Variants in LZIC observed in about 807,000 individuals in gnomAD.
The protein encoded by LZIC is leucine zipper and CTNNBIP1 domain containing, also known as protein LZIC.
LZIC carries 28 observed loss-of-function variants against 25.4 expected under a neutral mutation model. That is an observed-to-expected ratio of 1.10 (90% CI 0.82 to 1.51). The LOEUF is 1.51. Ranked by LOEUF, LZIC falls within the 40% of genes most tolerant of loss-of-function variation. LZIC has a pLI of 0.00. For missense variants in LZIC, 170 were observed against 211.1 expected (o/e 0.81, Z 1.21); for synonymous variants, 65 against 70.7 (o/e 0.92, Z 0.40).
In LZIC at chr1:9,926,815, A is replaced by G. The variant is rs1174768578; in HGVS notation, c.*3584T>C. On this transcript the variant is annotated 3_prime_UTR_variant, in exon 8 of 8. Coordinates refer to ENST00000377223, the MANE Select transcript of LZIC (RefSeq NM_032368.5). The stretch of plus-strand genomic sequence containing the variant: ...AATCTCCAAAGATATCTGAACACCT[A>G]GAAGATTAAATGTAGCAAGAAGTGG... Among the ~76,000 whole-genome samples, 1 of 152,242 alleles carries G rather than the reference A, an allele frequency of 6.6e-6. No homozygotes were observed. The highest frequency in any genetic ancestry group is 1.5e-5 in the Non-Finnish European group (1 of 68,040).
intron 2 of LZIC, 30 bp downstream of exon 2, chr1:9,942,594 C>G: frequency 1.8e-6 from 2 of 1,132,828 alleles, no homozygotes; most frequent in Non-Finnish European, 2.3e-6. Flanking sequence ...GACACTATAT[C>G]TGGAGCGGAG....
downstream of LZIC, among the ~76,000 whole-genome samples, chr1:9,923,072 A>C (rs1639899331): frequency 6.6e-6 from 1 of 152,228 alleles, no homozygotes; most frequent in African/African-American, 2.4e-5. Flanking sequence ...CCTCCAGGAA[A>C]GGAAAAGACA....
intron 2 of LZIC, among the ~76,000 whole-genome samples, chr1:9,940,811 C>A (rs570846778): frequency 6.6e-6 from 1 of 152,212 alleles, no homozygotes; most frequent in South Asian, 2.1e-4. Flanking sequence ...AAGTATTATA[C>A]CCAGAAGTGT....
At chr1:9,936,767 C>T (rs1557442203) in intron 2 of LZIC, 140 bp from the exon 3 acceptor site, 2 of 620,644 alleles carry the variant, frequency 3.2e-6, no homozygotes, top group East Asian at 5.6e-5. Flanking sequence ...GTGACCCTCC[C>T]ATCTTGGACT....
At chr1:9,937,168 C>T (rs1046990726) in intron 2 of LZIC, among the ~76,000 whole-genome samples, 5 of 151,578 alleles carry the variant, frequency 3.3e-5, no homozygotes, top group African/African-American at 1.2e-4. Flanking sequence ...CTGAGGTGGG[C>T]GGATCATGAA....
At position 9,928,195 on chromosome 1, in the gene LZIC, C is replaced by T. The variant is rs1640072021; in HGVS notation, c.*2204G>A. On this transcript the variant is annotated 3_prime_UTR_variant, in exon 8 of 8. Coordinates refer to ENST00000377223, the MANE Select transcript of LZIC (RefSeq NM_032368.5). ...CAGGTGTGGTGGCGCATGCCTTAAT[C>T]CCAGCTACTCGGGAGGCTGAGGCAG... Among the ~76,000 whole-genome samples, 2 of 152,200 alleles carry T rather than the reference C, an allele frequency of 1.3e-5. No individual in the cohort carries two copies. Among genetic ancestry groups the T allele is most frequent in the Non-Finnish European group, 2.9e-5 (2 of 68,010 alleles).
rs778852008 is a variant in LZIC, at chr1:9,932,786, A to T, written c.432+17T>A. ...TTCATACTTTTTCTTTGTAACTAAT[A>T]TATTAAATACTGGTACCTTCTCTCC... is the stretch of plus-strand genomic sequence containing the variant. On this transcript the variant is annotated intron_variant, in intron 6 of 7. Coordinates refer to ENST00000377223, the MANE Select transcript of LZIC (RefSeq NM_032368.5). The T allele has an allele frequency of 1.8e-5, 26 of 1,417,218 alleles. No individual in the cohort carries two copies. Among genetic ancestry groups the T allele is most frequent in the Non-Finnish European group, 2.6e-5 (26 of 1,003,670 alleles). 87.8% of individuals were successfully genotyped at this position (1,417,218 alleles called of 1,614,324 possible). A position where few individuals can be genotyped will look rare whatever the true frequency, so the allele number is the denominator to read the frequency against.
At chr1:9,935,732 T>C (rs1640425600) in intron 3 of LZIC, 105 bp from the exon 4 acceptor site, 4 of 1,051,984 alleles carry the variant, frequency 3.8e-6, no homozygotes, top group Admixed American at 5.2e-5. Context: ...AATATCAAAA[T>C]GCTGATGGTG....
intron 6 of LZIC, among the ~76,000 whole-genome samples, 191 bp downstream of exon 6, chr1:9,932,612 G>T (rs542101965): frequency 6.6e-6 from 1 of 151,136 alleles, no homozygotes; most frequent in African/African-American, 2.4e-5. Context: ...GAACCCAGGA[G>T]GGGGAGGTTG....
intron 2 of LZIC, among the ~76,000 whole-genome samples, chr1:9,942,074 A>G (rs1447082103): frequency 6.6e-6 from 1 of 151,938 alleles, no homozygotes; most frequent in Non-Finnish European, 1.5e-5. Flanking sequence ...GCGTCACCAC[A>G]TCTGGCTAAT....
chr1:9,930,939 G>T (rs572546140), intron 7 of LZIC, among the ~76,000 whole-genome samples: 1 of 151,716 alleles, frequency 6.6e-6, no homozygotes, highest in Admixed American at 6.6e-5. Context: ...GGCTGGTCTC[G>T]AACTCCTGAC....
intron 2 of LZIC, among the ~76,000 whole-genome samples, chr1:9,938,588 T>C (rs1257730942): frequency 6.6e-6 from 1 of 152,224 alleles, no homozygotes; most frequent in African/African-American, 2.4e-5. Context: ...GGTCTTGCTC[T>C]GTCACCCAGG....
rs750731030 is a variant in LZIC, at chr1:9,932,859, G to C, written c.376C>G (p.Leu126Val). Residue 126 changes from leucine to valine, a missense_variant, in exon 6 of 8, where the codon CTG (leucine) becomes GTG (valine). By Grantham distance (32) the Leu-to-Val change is conservative. Transcript: ENST00000377223. ...ATCTCCACTTTCTGTTGAGTGTACA[G>C]GTCTCTTTCCAGCTTTCCTACCATC... ...DLMVGKLERD[L>V]YTQQKVEILT... 6.2e-7 allele frequency: 1 copy of C among 1,612,920 alleles called. No homozygotes were observed. The highest frequency in any genetic ancestry group is 1.1e-5 in the South Asian group (1 of 91,050).
In LZIC at chr1:9,936,505, AATT is replaced by A. The variant is rs760071328; in HGVS notation, c.101+11_101+13del. The A allele has an allele frequency of 5.7e-6, 9 of 1,580,534 alleles. No individual in the cohort carries two copies. The African/African-American group carries it at 9.4e-5, about 17-fold the overall frequency. ...GCCAGTTTCCAGCATAACAACATAC[AATT>A]AAACTCTTACCTGCATTCCTCCAGA... On this transcript the variant is annotated intron_variant, in intron 3 of 7. Coordinates refer to ENST00000377223, the MANE Select transcript of LZIC (RefSeq NM_032368.5).
intron 7 of LZIC, 61 bp downstream of exon 7, chr1:9,931,830 G>T: frequency 1.8e-6 from 2 of 1,087,440 alleles, no homozygotes; most frequent in Non-Finnish European, 1.4e-6. Flanking sequence ...CTCTCCATCA[G>T]TTTGTATGTA....
chr1:9,930,292 G>A lies in LZIC; in HGVS notation c.*107C>T. 6.4e-7 allele frequency: 1 copy of A among 1,554,964 alleles called. No homozygotes were observed. The highest frequency in any genetic ancestry group is 8.7e-7 in the Non-Finnish European group (1 of 1,153,622). On this transcript the variant is annotated 3_prime_UTR_variant, in exon 8 of 8. Coordinates refer to ENST00000377223, the MANE Select transcript of LZIC (RefSeq NM_032368.5). ...TTATGTCGCTTTTTCTTAGGTTATT[G>A]ATGCATTTCCAGAATCTCTTCATTT... is the stretch of plus-strand genomic sequence containing the variant.
intron 6 of LZIC, 55 bp from the exon 7 acceptor site, chr1:9,932,027 A>G (rs1640235190): frequency 3.8e-6 from 5 of 1,320,422 alleles, no homozygotes; most frequent in Non-Finnish European, 5.2e-6. Context: ...AGGTGGTTCT[A>G]GAAACCAGGT....
chr1:9,932,719 C>T, intron 6 of LZIC, 84 bp downstream of exon 6: 1 of 672,676 alleles, frequency 1.5e-6, no homozygotes, highest in Non-Finnish European at 2.5e-6. Flanking sequence ...TGTCTTAGTA[C>T]CACAAACTAG....
At chr1:9,931,224 ACC>A (rs1640198456) in intron 7 of LZIC, among the ~76,000 whole-genome samples, 1 of 151,492 alleles carries the variant, frequency 6.6e-6, no homozygotes, top group Non-Finnish European at 1.5e-5. Context: ...ATGCCACCAC[ACC>A]TAGCTAATTT....
Sources: allele counts gnomAD v4.1 joint callset (sites outside exome capture counted in the v4.1 genomes callset), GRCh38; gene constraint gnomAD v4.1.1; transcripts MANE v1.5; gene names NCBI Gene and HGNC (gene_info 2026-07-23, HGNC 2026-07-21).